Variants in ARHGEF37 observed in about 807,000 individuals in gnomAD.
ARHGEF37 encodes Rho guanine nucleotide exchange factor 37, also known as Rho guanine nucleotide exchange factor (GEF) 37.
In ARHGEF37, 55 loss-of-function variants were observed where a neutral mutation model predicts 71.1. The observed-to-expected ratio is 0.77, with a 90% confidence interval of 0.62 to 0.97. The LOEUF is 0.97. Among genes scored for constraint, ARHGEF37 ranks in the 50% least tolerant of loss-of-function variants. ARHGEF37 has a pLI of 0.00. For missense variants in ARHGEF37, 765 were observed against 836.8 expected, an observed-to-expected ratio of 0.91 and a Z score of 1.06; for synonymous variants, 327 against 350.6, an observed-to-expected ratio of 0.93 and a Z score of 0.75.
chr5:149,595,910 G>A (rs1763531410), intron 1 of ARHGEF37, among the ~76,000 whole-genome samples: 1 of 151,458 alleles, frequency 6.6e-6, no homozygotes, highest in Non-Finnish European at 1.5e-5. Flanking sequence ...AAGCCAGGAT[G>A]AACTGTCTTT....
At chr5:149,586,912 G>T (rs1763257734) in intron 1 of ARHGEF37, among the ~76,000 whole-genome samples, 1 of 152,044 alleles carries the variant, frequency 6.6e-6, no homozygotes, top group Non-Finnish European at 1.5e-5. Context: ...GCATTCCTTT[G>T]ATCTACTGAT....
At chr5:149,604,070 C>T (rs1276693276) in intron 3 of ARHGEF37, among the ~76,000 whole-genome samples, 1 of 152,188 alleles carries the variant, frequency 6.6e-6, no homozygotes, top group Non-Finnish European at 1.5e-5. Context: ...TGAAAACATT[C>T]TAAGGGTCTA....
chr5:149,627,412 G>A (rs1160200447), intron 11 of ARHGEF37, 141 bp downstream of exon 11: 3 of 892,746 alleles, frequency 3.4e-6, no homozygotes, highest in Non-Finnish European at 5.0e-6. Flanking sequence ...ACACACACAG[G>A]GCTCAGGGCA....
At chr5:149,559,851 A>T (rs982796744) in intron 1 of ARHGEF37, among the ~76,000 whole-genome samples, 3 of 152,168 alleles carry the variant, frequency 2.0e-5, no homozygotes, top group African/African-American at 7.2e-5. Context: ...CAATTTCAAA[A>T]TCTCAAGAAT....
At chr5:149,599,863 G>A (rs1763701635) in intron 2 of ARHGEF37, among the ~76,000 whole-genome samples, 1 of 152,186 alleles carries the variant, frequency 6.6e-6, no homozygotes, top group South Asian at 2.1e-4. Flanking sequence ...TGTAGATAAT[G>A]TAGAAAGTGA....
chr5:149,607,149 C>T (rs1326164483), intron 3 of ARHGEF37, among the ~76,000 whole-genome samples: 5 of 152,190 alleles, frequency 3.3e-5, no homozygotes, highest in Admixed American at 1.3e-4. Context: ...GTGATCCACC[C>T]GCCTTGGCCT....
chr5:149,604,365 G>A (rs990754513), intron 3 of ARHGEF37, among the ~76,000 whole-genome samples: 5 of 152,006 alleles, frequency 3.3e-5, no homozygotes, highest in African/African-American at 1.2e-4. Context: ...ACTTACTTAC[G>A]CTAAAAAATT....
intron 1 of ARHGEF37, among the ~76,000 whole-genome samples, chr5:149,556,687 G>A (rs757584019): frequency 3.3e-5 from 5 of 151,628 alleles, no homozygotes; most frequent in Non-Finnish European, 5.9e-5. Context: ...GCACCTGGCC[G>A]TAATTTTGTA....
intron 3 of ARHGEF37, among the ~76,000 whole-genome samples, chr5:149,604,997 C>A (rs1369214663): frequency 2.0e-5 from 3 of 151,742 alleles, no homozygotes; most frequent in Admixed American, 2.0e-4. Context: ...GAGGCTGAGG[C>A]AGATAGATCA....
intron 4 of ARHGEF37, among the ~76,000 whole-genome samples, chr5:149,610,635 C>T (rs1764053062): frequency 6.6e-6 from 1 of 152,186 alleles, no homozygotes; most frequent in South Asian, 2.1e-4. Flanking sequence ...AAACTGTATT[C>T]ATTTTCCCTT....
chr5:149,570,576 CAA>C (rs778453136), intron 1 of ARHGEF37, among the ~76,000 whole-genome samples: 7 of 88,078 alleles, frequency 7.9e-5, no homozygotes, highest in Non-Finnish European at 4.7e-5. Context: ...AACTCCGCCT[CAA>C]AAAAAAAAAA....
intron 1 of ARHGEF37, among the ~76,000 whole-genome samples, chr5:149,554,123 G>C (rs980039143): frequency 5.3e-5 from 8 of 152,138 alleles, no homozygotes; most frequent in Non-Finnish European, 1.2e-4. Flanking sequence ...AGCCGAGATT[G>C]TGCCACTGCA....
intron 3 of ARHGEF37, among the ~76,000 whole-genome samples, chr5:149,602,692 C>T (rs1169978741): frequency 6.6e-6 from 1 of 151,996 alleles, no homozygotes; most frequent in Non-Finnish European, 1.5e-5. Flanking sequence ...AACCTCATAC[C>T]TGTCTCCTTC....
chr5:149,564,928 A>G lies in ARHGEF37; in HGVS notation c.-12+12805A>G, dbSNP rs1190960195. Among the ~76,000 whole-genome samples, 3 of 152,246 alleles carry G rather than the reference A, an allele frequency of 2.0e-5. No individual in the cohort carries two copies. The East Asian group carries it at 5.8e-4, about 29-fold the overall frequency. On this transcript the variant is annotated intron_variant, in intron 1 of 2. Transcript: ENST00000505810. ...CACATCGTGATCTTAATGATTATAC[A>G]ATGCTGCCATCTTGAGGATATGATC...
intron 1 of ARHGEF37, among the ~76,000 whole-genome samples, chr5:149,556,349 A>T (rs910611723): frequency 6.7e-6 from 1 of 149,438 alleles, no homozygotes; most frequent in Non-Finnish European, 1.5e-5. Flanking sequence ...ACATGCCACC[A>T]TGCCCAGCTA....
chr5:149,616,314 G>A (rs1252993507), intron 4 of ARHGEF37, among the ~76,000 whole-genome samples: 1 of 152,162 alleles, frequency 6.6e-6, no homozygotes, highest in Non-Finnish European at 1.5e-5. Flanking sequence ...CTGTGGAGAG[G>A]CCGAGCAAGC....
At chr5:149,569,328 T>A (rs1228708275) in intron 1 of ARHGEF37, among the ~76,000 whole-genome samples, 8 of 150,682 alleles carry the variant, frequency 5.3e-5, no homozygotes, top group Non-Finnish European at 1.2e-4. Flanking sequence ...TTATTTATTT[T>A]TATTTTTGAG....
At chr5:149,612,893 C>T in intron 4 of ARHGEF37, among the ~76,000 whole-genome samples, 1 of 152,232 alleles carries the variant, frequency 6.6e-6, no homozygotes, top group Non-Finnish European at 1.5e-5. Context: ...TGACCCCACC[C>T]TTTATTTGGG....
At chr5:149,608,559 G>A (rs1056634296) in intron 3 of ARHGEF37, among the ~76,000 whole-genome samples, 13 of 151,856 alleles carry the variant, frequency 8.6e-5, no homozygotes, top group African/African-American at 2.9e-4. Flanking sequence ...TTTTAGTAAA[G>A]GCAGGGTTTT....
Sources: gnomAD v4.1 joint callset for allele counts (sites outside exome capture counted in the v4.1 genomes callset) on GRCh38, gnomAD v4.1.1 for gene constraint, MANE v1.5 for transcripts, NCBI Gene and HGNC (gene_info 2026-07-23, HGNC 2026-07-21) for gene names.